CLEC19A: variants seen among roughly 807,000 people sequenced by gnomAD.
The protein encoded by CLEC19A is C-type lectin domain containing 19A, also known as C-type lectin domain family 19 member A.
CLEC19A carries 21 observed loss-of-function variants against 26.1 expected under a neutral mutation model. The observed-to-expected ratio is 0.80, with a 90% CI of 0.57 to 1.16. The LOEUF is 1.16. Among genes scored for constraint, CLEC19A ranks in the 50% most tolerant of loss-of-function variants. The pLI, the probability that CLEC19A is intolerant of heterozygous loss-of-function variation, is 0.00. For synonymous variants in CLEC19A, 89 were observed against 88.6 expected, an observed-to-expected ratio of 1.00 and a Z score of -0.03; for missense variants, 224 against 227.6, an observed-to-expected ratio of 0.98 and a Z score of 0.10.
intron 1 of CLEC19A, among the ~76,000 whole-genome samples, chr16:19,294,598 A>C (rs1433904217): frequency 6.6e-6 from 1 of 152,228 alleles, no homozygotes; most frequent in East Asian, 1.9e-4. Flanking sequence ...AGTTTACCTC[A>C]TTCTAAACTC....
chr16:19,304,020 G>A, intron 2 of CLEC19A, 42 bp from the exon 3 acceptor site: 3 of 1,473,530 alleles, frequency 2.0e-6, no homozygotes, highest in Non-Finnish European at 2.8e-6. Flanking sequence ...CCTATGAAAA[G>A]AGGCCATGAG....
chr16:19,308,289 G>A (rs1266745247), intron 4 of CLEC19A, among the ~76,000 whole-genome samples: 1 of 152,242 alleles, frequency 6.6e-6, no homozygotes, highest in Non-Finnish European at 1.5e-5. Context: ...GGACTCGGGA[G>A]TTGACTGCCC....
chr16:19,310,850 A>G lies in CLEC19A; in HGVS notation c.*1767A>G, dbSNP rs556572850. ...TGTGAGGTGACAAAAATTATCTGCA[A>G]TTAGATAGTGGTAATGGCTGCACAA... On this transcript the variant is annotated 3_prime_UTR_variant, in exon 5 of 5. Coordinates refer to ENST00000636231, the MANE Select transcript of CLEC19A (RefSeq NM_001256720.2). 5 of 152,252 alleles carry G rather than the reference A, an allele frequency of 3.3e-5. No individual in the cohort carries two copies. The highest frequency in any genetic ancestry group is 7.3e-5 in the Non-Finnish European group (5 of 68,052). The allele number at this position is 152,252 out of a possible 1,614,324, so 9.4% of individuals were successfully genotyped here.
At chr16:19,290,894 A>G (rs1897570723) in intron 1 of CLEC19A, among the ~76,000 whole-genome samples, 1 of 151,966 alleles carries the variant, frequency 6.6e-6, no homozygotes, top group Non-Finnish European at 1.5e-5. Context: ...GCTGGAGTAC[A>G]GTGGTATGGT....
chr16:19,299,162 T>G (rs139954275), intron 2 of CLEC19A, among the ~76,000 whole-genome samples: 1 of 152,224 alleles, frequency 6.6e-6, no homozygotes, highest in African/African-American at 2.4e-5. Flanking sequence ...GCAAATAGCA[T>G]GCCAGAAGAT....
intron 2 of CLEC19A, among the ~76,000 whole-genome samples, chr16:19,301,791 C>T (rs1897841154): frequency 8.5e-6 from 1 of 117,752 alleles, no homozygotes; most frequent in Admixed American, 1.1e-4. Flanking sequence ...CGGAGTTTCA[C>T]CATATTGGCC....
chr16:19,300,150 G>A (rs1897787820), intron 2 of CLEC19A, among the ~76,000 whole-genome samples: 1 of 151,756 alleles, frequency 6.6e-6, no homozygotes, highest in African/African-American at 2.4e-5. Flanking sequence ...CTTGAACCCA[G>A]GGGGCAGAAG....
chr16:19,306,506 A>G (rs547172227), intron 3 of CLEC19A, among the ~76,000 whole-genome samples: 1 of 152,078 alleles, frequency 6.6e-6, no homozygotes, highest in Admixed American at 6.5e-5. Flanking sequence ...TAATTTTAAA[A>G]ACACTAAAAT....
intron 1 of CLEC19A, among the ~76,000 whole-genome samples, chr16:19,291,616 C>G (rs1897585436): frequency 6.6e-6 from 1 of 152,192 alleles, no homozygotes; most frequent in Non-Finnish European, 1.5e-5. Context: ...ACCTGACTGT[C>G]AAGCTATAAA....
intron 4 of CLEC19A, 45 bp downstream of exon 4, chr16:19,307,722 G>T: frequency 1.3e-6 from 2 of 1,544,738 alleles, no homozygotes; most frequent in Non-Finnish European, 1.7e-6. Flanking sequence ...AGCCCAGGAG[G>T]TGTCACAGGT....
rs550127721 is a variant in CLEC19A at position 19,292,063 on chromosome 16, G to A, written c.88+6124G>A. ...AAATATCCACAGTCTTTAAGACCAA[G>A]GACCCTTTTCCCCTTCTCACTCCAC... On this transcript the variant is annotated intron_variant, in intron 1 of 4. Coordinates refer to ENST00000636231, the MANE Select transcript of CLEC19A (RefSeq NM_001256720.2). 9.2e-5 allele frequency among the ~76,000 whole-genome samples: 14 copies of A among 152,234 alleles called. No homozygotes were observed. The South Asian group carries it at 1.0e-3, about 11-fold the overall frequency.
At chr16:19,295,904 C>G (rs1370620676) in intron 1 of CLEC19A, among the ~76,000 whole-genome samples, 1 of 152,198 alleles carries the variant, frequency 6.6e-6, no homozygotes, top group Non-Finnish European at 1.5e-5. Flanking sequence ...GGTCCATCAA[C>G]TCTCTTGGCC....
Position 19,304,154 on chromosome 16 carries a change from AGGT to A in CLEC19A, c.348+1_348+3del, listed in dbSNP as rs1897898832. 1 of 1,550,394 alleles carries A rather than the reference AGGT, an allele frequency of 6.4e-7. No homozygotes were observed. The highest frequency in any genetic ancestry group is 1.4e-5 in the African/African-American group (1 of 73,066). Reference sequence around the variant, plus strand: ...TGGACAGGCCTTCATGATCACAGACAGGTGAGAAAGCAGTGGCCATTGGGCCCC... The same window carrying A: ...TGGACAGGCCTTCATGATCACAGACAGAGAAAGCAGTGGCCATTGGGCCCC... On this transcript the variant is annotated splice_donor_variant and coding_sequence_variant, in exon 3 of 5. Transcript: ENST00000636231. LOFTEE classifies it high-confidence loss of function.
intron 1 of CLEC19A, among the ~76,000 whole-genome samples, chr16:19,293,716 A>T (rs191243541): frequency 6.6e-6 from 1 of 152,084 alleles, no homozygotes; most frequent in Non-Finnish European, 1.5e-5. Flanking sequence ...TTGGCCTCCC[A>T]AAGTGTTGAG....
At chr16:19,308,827 A>G (rs889315959) in intron 4 of CLEC19A, among the ~76,000 whole-genome samples, 177 bp from the exon 5 acceptor site, 3 of 152,236 alleles carry the variant, frequency 2.0e-5, no homozygotes, top group Non-Finnish European at 2.9e-5. Flanking sequence ...ACAAGCCAGA[A>G]TCAGCTTTAT....
At position 19,299,848 on chromosome 16, in the gene CLEC19A, T is replaced by C. The variant is rs1897780026; in HGVS notation, c.254+1010T>C. Among the ~76,000 whole-genome samples, 6 of 152,202 alleles carry C rather than the reference T, an allele frequency of 3.9e-5. No individual in the cohort carries two copies. In the South Asian group the frequency reaches 1.2e-3, roughly 31 times the overall value. ...ACCCAAGCTACAAATCACAATCTTATCTCTGTTCTTCAAGAATCTCAGAAA... is the reference window on the plus strand; with the variant it reads ...ACCCAAGCTACAAATCACAATCTTACCTCTGTTCTTCAAGAATCTCAGAAA... On this transcript the variant is annotated intron_variant, in intron 2 of 4. Coordinates refer to ENST00000636231, the MANE Select transcript of CLEC19A (RefSeq NM_001256720.2).
At position 19,310,437 on chromosome 16, in the gene CLEC19A, C is replaced by CTCCA. The variant is rs1319720839; in HGVS notation, c.*1355_*1358dup. Reference sequence around the variant, plus strand: ...AATGGACCATGATTGTGCTTCTGCACTCCAGCCTGGGTGACAGAGCAAGAC... The same window carrying CTCCA: ...AATGGACCATGATTGTGCTTCTGCACTCCATCCAGCCTGGGTGACAGAGCAAGAC... On this transcript the variant is annotated 3_prime_UTR_variant, in exon 5 of 5. Coordinates refer to ENST00000636231, the MANE Select transcript of CLEC19A (RefSeq NM_001256720.2). The CTCCA allele has an allele frequency of 6.6e-6, 1 of 152,396 alleles. No homozygotes were observed. Among genetic ancestry groups the CTCCA allele is most frequent in the Non-Finnish European group, 1.5e-5 (1 of 68,078 alleles). 9.4% of individuals were successfully genotyped at this position (152,396 alleles called of 1,614,324 possible).
At chr16:19,307,151 G>A (rs980090364) in intron 3 of CLEC19A, among the ~76,000 whole-genome samples, 2 of 152,180 alleles carry the variant, frequency 1.3e-5, no homozygotes, top group Non-Finnish European at 2.9e-5. Flanking sequence ...GTAGTTAGGG[G>A]TCTTGGGTAC....
At chr16:19,304,396 T>TG (rs1555468107) in intron 3 of CLEC19A, 3 of 196,652 alleles carry the variant, frequency 1.5e-5, no homozygotes, top group Non-Finnish European at 3.1e-5. Context: ...TGGGTTCTCT[T>TG]AAAAAAAAAA....
Sources: gnomAD v4.1 joint callset for allele counts (sites outside exome capture counted in the v4.1 genomes callset) on GRCh38, gnomAD v4.1.1 for gene constraint, MANE v1.5 for transcripts, NCBI Gene and HGNC (gene_info 2026-07-23, HGNC 2026-07-21) for gene names.